CDH12: variants seen among roughly 807,000 people sequenced by gnomAD.
CDH12 encodes cadherin-12.
CDH12 carries 41 observed loss-of-function variants against 74.1 expected under a neutral mutation model. The observed-to-expected ratio is 0.55, with a 90% CI of 0.43 to 0.72. CDH12 has a LOEUF of 0.72. Ranked by LOEUF, CDH12 falls within the 30% of genes least tolerant of loss-of-function variation. The pLI is 0.00. For synonymous variants in CDH12, 399 were observed against 355.0 expected (o/e 1.12, Z -1.39); for missense variants, 945 against 977.2 (o/e 0.97, Z 0.44).
intron 1 of CDH12, among the ~76,000 whole-genome samples, chr5:22,537,538 T>C (rs1335723432): frequency 6.6e-6 from 1 of 151,774 alleles, no homozygotes; most frequent in African/African-American, 2.4e-5. Context: ...CCAGAAACAT[T>C]CCAAACCCCT....
intron 3 of CDH12, among the ~76,000 whole-genome samples, chr5:22,274,649 G>T (rs569268443): frequency 4.1e-4 from 63 of 151,850 alleles, no homozygotes; most frequent in African/African-American, 1.4e-3. Flanking sequence ...CATATTATAT[G>T]CCAATATATA....
At chr5:22,657,232 G>T (rs1331354068) in intron 1 of CDH12, among the ~76,000 whole-genome samples, 6 of 152,090 alleles carry the variant, frequency 3.9e-5, no homozygotes, top group Non-Finnish European at 7.4e-5. Context: ...TAGTGGTATT[G>T]GGAGGAAGGG....
At chr5:21,902,710 A>T (rs1210063353) in intron 6 of CDH12, among the ~76,000 whole-genome samples, 1 of 152,194 alleles carries the variant, frequency 6.6e-6, no homozygotes, top group African/African-American at 2.4e-5. Flanking sequence ...ATCACTTTAA[A>T]AGAGACTAAT....
chr5:21,764,158 A>G (rs1298737950), intron 12 of CDH12, among the ~76,000 whole-genome samples: 1 of 152,052 alleles, frequency 6.6e-6, no homozygotes, highest in Non-Finnish European at 1.5e-5. Context: ...GCGGATCACG[A>G]GGTCAGGAGA....
intron 4 of CDH12, among the ~76,000 whole-genome samples, chr5:22,125,531 A>G (rs1475124219): frequency 6.6e-6 from 1 of 152,090 alleles, no homozygotes; most frequent in African/African-American, 2.4e-5. Context: ...TTGGACAACC[A>G]TATTTTTTGT....
At chr5:22,705,274 C>T (rs1338208353) in intron 1 of CDH12, among the ~76,000 whole-genome samples, 1 of 151,716 alleles carries the variant, frequency 6.6e-6, no homozygotes, top group African/African-American at 2.4e-5. Flanking sequence ...CATTTCCTTG[C>T]TCAGGACTAC....
intron 5 of CDH12, among the ~76,000 whole-genome samples, chr5:22,009,939 C>CAAAAAAA (rs774589642): frequency 2.5e-3 from 136 of 54,212 alleles, no homozygotes; most frequent in African/African-American, 6.9e-3. Flanking sequence ...GAAACTGTCT[C>CAAAAAAA]AAAAAAAAAA....
intron 7 of CDH12, among the ~76,000 whole-genome samples, chr5:21,850,833 G>A (rs1031945986): frequency 3.3e-5 from 5 of 150,696 alleles, no homozygotes; most frequent in Non-Finnish European, 7.4e-5. Context: ...TCACTCAATT[G>A]TTTTTTTTAA....
At chr5:22,198,856 T>G (rs1477577241) in intron 4 of CDH12, among the ~76,000 whole-genome samples, 1 of 151,638 alleles carries the variant, frequency 6.6e-6, no homozygotes, top group Non-Finnish European at 1.5e-5. Context: ...TTTGAAATGT[T>G]TAACAAACCC....
intron 3 of CDH12, among the ~76,000 whole-genome samples, chr5:22,260,958 G>A (rs1456385735): frequency 6.6e-6 from 1 of 151,704 alleles, no homozygotes; most frequent in African/African-American, 2.4e-5. Context: ...GCCCATTTCA[G>A]TTATACATAT....
Position 22,647,143 on chromosome 5 carries a change from G to T in CDH12, c.-522-141779C>A, listed in dbSNP as rs1375703060. The stretch of plus-strand genomic sequence containing the variant: ...GAAACCTAGATTTCTGAGCCAAAGT[G>T]CCTAATATAGAACCTTAGTTCAACA... On this transcript the variant is annotated intron_variant, in intron 1 of 14. Transcript: ENST00000382254. Among the ~76,000 whole-genome samples the T allele has an allele frequency of 4.0e-5, 6 of 151,810 alleles. No individual in the cohort carries two copies. The East Asian group carries it at 1.2e-3, about 30-fold the overall frequency.
intron 5 of CDH12, among the ~76,000 whole-genome samples, chr5:22,032,482 A>G (rs1178448500): frequency 6.6e-6 from 1 of 151,976 alleles, no homozygotes; most frequent in Non-Finnish European, 1.5e-5. Flanking sequence ...AAGCTGAGGC[A>G]GGTGGATCAC....
intron 1 of CDH12, among the ~76,000 whole-genome samples, chr5:22,666,294 T>TG (rs1224554184): frequency 1.0e-4 from 9 of 86,534 alleles, no homozygotes; most frequent in Non-Finnish European, 1.5e-4. Context: ...TTTTTTTTTT[T>TG]TTTTTTTGTT....
intron 3 of CDH12, among the ~76,000 whole-genome samples, chr5:22,355,514 TAAAA>T (rs34776687): frequency 7.2e-6 from 1 of 139,068 alleles, no homozygotes; most frequent in East Asian, 2.1e-4. Flanking sequence ...TATATTTCCT[TAAAA>T]AAAAAATATA....
intron 2 of CDH12, among the ~76,000 whole-genome samples, chr5:22,427,989 G>A (rs1744011115): frequency 6.6e-6 from 1 of 152,142 alleles, no homozygotes; most frequent in South Asian, 2.1e-4. Flanking sequence ...AACACATATC[G>A]AGGGACTACT....
intron 2 of CDH12, among the ~76,000 whole-genome samples, chr5:22,446,087 C>T (rs925045414): frequency 2.0e-5 from 3 of 152,032 alleles, no homozygotes; most frequent in Non-Finnish European, 4.4e-5. Context: ...ATTCAGGAAA[C>T]CTCTATTAAC....
intron 3 of CDH12, among the ~76,000 whole-genome samples, chr5:22,279,405 T>C (rs1260811341): frequency 6.6e-6 from 1 of 152,212 alleles, no homozygotes. Context: ...CTTTAAGTTT[T>C]AGGGTACATG....
intron 3 of CDH12, among the ~76,000 whole-genome samples, chr5:22,224,169 A>G (rs558381171): frequency 2.0e-5 from 3 of 152,170 alleles, no homozygotes; most frequent in African/African-American, 7.2e-5. Flanking sequence ...ACTCTTCTAG[A>G]TCCTGCTCTT....
At chr5:22,800,342 T>A (rs979135269) in intron 1 of CDH12, among the ~76,000 whole-genome samples, 3 of 152,318 alleles carry the variant, frequency 2.0e-5, no homozygotes, top group African/African-American at 4.8e-5. Flanking sequence ...TAGAATCAGT[T>A]GAAGTAAGAT....
Sources: allele counts gnomAD v4.1 joint callset (sites outside exome capture counted in the v4.1 genomes callset), GRCh38; gene constraint gnomAD v4.1.1; transcripts MANE v1.5; gene names NCBI Gene and HGNC (gene_info 2026-07-23, HGNC 2026-07-21).